The following RMND5A variants were observed in gnomAD, a reference collection of about 807,000 sequenced individuals.
RMND5A encodes required for meiotic nuclear division 5 homolog A.
RMND5A carries 17 observed loss-of-function variants against 49.7 expected under a neutral mutation model. The observed-to-expected ratio is 0.34, with a 90% CI of 0.23 to 0.51. The LOEUF (loss-of-function observed/expected upper bound fraction) is 0.51. Among genes scored for constraint, RMND5A ranks in the 20% least tolerant of loss-of-function variants. The probability of loss-of-function intolerance (pLI) is 0.96; values close to 1 mark genes in which losing one functional copy is unlikely to be tolerated. For synonymous variants in RMND5A, 156 were observed against 167.7 expected (o/e 0.93, Z 0.54); for missense variants, 255 against 471.3 (o/e 0.54, Z 4.25).
Position 86,720,482 on chromosome 2 carries a change from G to A in RMND5A, c.-186G>A, listed in dbSNP as rs921854369. ...TCGCCGGGGGGCTAGGGCGCCATGG[G>A]GCAGGCGGGCTCCGGCTGCGCGGGG... On this transcript the variant is annotated 5_prime_UTR_variant, in exon 1 of 9. Transcript: ENST00000283632. 2.7e-4 allele frequency: 70 copies of A among 259,742 alleles called. No homozygotes were observed. The highest frequency in any genetic ancestry group is 4.6e-4 in the Non-Finnish European group (68 of 148,492). The allele number at this position is 259,742 out of a possible 1,614,324, so 16.1% of individuals were successfully genotyped here.
At chr2:86,760,965 A>AGTGTGTGTGTGTGTGT (rs35942120) in intron 4 of RMND5A, among the ~76,000 whole-genome samples, 11 of 145,442 alleles carry the variant, frequency 7.6e-5, no homozygotes, top group Admixed American at 2.7e-4. Flanking sequence ...GAGAGAGAGA[A>AGTGTGTGTGTGTGTGT]GTGTGTGTGT....
chr2:86,773,274 C>CTA lies in RMND5A; in HGVS notation c.1113-71_1113-70dup, dbSNP rs1427144657. On this transcript the variant is annotated intron_variant, in intron 8 of 8. Coordinates refer to ENST00000283632, the MANE Select transcript of RMND5A (RefSeq NM_022780.4). ...TGTGTGTATAATTGTTAAAGATACT[C>CTA]TATAACTAGATAAAAATTGAATACA... 4 of 795,382 alleles carry CTA rather than the reference C, an allele frequency of 5.0e-6. No homozygotes were observed. In the African/African-American group the frequency reaches 6.9e-5, roughly 14 times the overall value. 49.3% of individuals were successfully genotyped at this position (795,382 alleles called of 1,614,324 possible).
intron 4 of RMND5A, among the ~76,000 whole-genome samples, chr2:86,762,578 A>C (rs543766816): frequency 6.6e-6 from 1 of 150,810 alleles, no homozygotes; most frequent in South Asian, 2.1e-4. Context: ...CTGGGAGGCG[A>C]AGGTTGCAGT....
At chr2:86,745,504 G>C (rs572169669) in intron 2 of RMND5A, among the ~76,000 whole-genome samples, 166 of 152,280 alleles carry the variant, frequency 1.1e-3, no homozygotes, top group African/African-American at 3.8e-3. Context: ...GAATATGCCT[G>C]ACTCATGTTT....
At chr2:86,755,898 T>C (rs988493526) in intron 4 of RMND5A, among the ~76,000 whole-genome samples, 4 of 152,172 alleles carry the variant, frequency 2.6e-5, no homozygotes, top group African/African-American at 4.8e-5. Context: ...GAGTGGTTAT[T>C]GTATGCCTAG....
chr2:86,757,460 A>G (rs1345312021), intron 4 of RMND5A, among the ~76,000 whole-genome samples: 4 of 152,178 alleles, frequency 2.6e-5, no homozygotes, highest in African/African-American at 9.7e-5. Context: ...TAGGCCCTCA[A>G]TGAATAACAG....
At chr2:86,760,002 T>G (rs150605756) in intron 4 of RMND5A, among the ~76,000 whole-genome samples, 45 of 152,272 alleles carry the variant, frequency 3.0e-4, no homozygotes, top group South Asian at 6.2e-4. Context: ...CTTTATAAAG[T>G]AACCTCTTAC....
At chr2:86,750,451 T>G (rs907375881) in intron 2 of RMND5A, among the ~76,000 whole-genome samples, 1 of 152,212 alleles carries the variant, frequency 6.6e-6, no homozygotes, top group Non-Finnish European at 1.5e-5. Flanking sequence ...GCCTCCATAG[T>G]TTCTGTTGAG....
At chr2:86,758,340 G>C (rs924747932) in intron 4 of RMND5A, among the ~76,000 whole-genome samples, 1 of 151,912 alleles carries the variant, frequency 6.6e-6, no homozygotes, top group Admixed American at 6.6e-5. Flanking sequence ...TGAAGTATTT[G>C]CCTATATCAG....
chr2:86,742,578 A>G (rs546752539), intron 2 of RMND5A, among the ~76,000 whole-genome samples: 1 of 151,020 alleles, frequency 6.6e-6, no homozygotes, highest in East Asian at 2.0e-4. Flanking sequence ...ATCCTTCTAG[A>G]ATGTGATGGG....
intron 5 of RMND5A, chr2:86,765,420 G>C (rs548733064): frequency 2.3e-5 from 10 of 427,032 alleles, no homozygotes; most frequent in African/African-American, 2.1e-4. Flanking sequence ...ACTTAGAGGA[G>C]ATGTGAGAAA....
intron 6 of RMND5A, among the ~76,000 whole-genome samples, chr2:86,768,776 A>C (rs1348030773): frequency 6.6e-6 from 1 of 152,150 alleles, no homozygotes; most frequent in Non-Finnish European, 1.5e-5. Flanking sequence ...GATCTGAGAA[A>C]TGAGTGCTTC....
At chr2:86,748,807 C>A (rs1020739755) in intron 2 of RMND5A, among the ~76,000 whole-genome samples, 1 of 152,136 alleles carries the variant, frequency 6.6e-6, no homozygotes, top group South Asian at 2.1e-4. Context: ...AGCTGACCAG[C>A]GTGTCTTCCA....
At chr2:86,748,423 T>G (rs945284705) in intron 2 of RMND5A, 14 of 152,220 alleles carry the variant, frequency 9.2e-5, no homozygotes, top group African/African-American at 2.9e-4. Flanking sequence ...ATCGAATGCA[T>G]TGCTTATTCA....
At chr2:86,759,161 C>G (rs1681799210) in intron 4 of RMND5A, among the ~76,000 whole-genome samples, 2 of 152,182 alleles carry the variant, frequency 1.3e-5, no homozygotes, top group African/African-American at 2.4e-5. Flanking sequence ...GATAAGCCCA[C>G]TAATGCTGTC....
At chr2:86,754,858 G>C (rs1040109790) in intron 4 of RMND5A, among the ~76,000 whole-genome samples, 3 of 152,040 alleles carry the variant, frequency 2.0e-5, no homozygotes. Context: ...TCTGTACTTG[G>C]CCATTTCTCA....
At chr2:86,758,731 A>G (rs934694447) in intron 4 of RMND5A, among the ~76,000 whole-genome samples, 2 of 152,234 alleles carry the variant, frequency 1.3e-5, no homozygotes, top group African/African-American at 2.4e-5. Flanking sequence ...TAGTAGTTCC[A>G]GCAGTGGACT....
At chr2:86,770,902 C>T (rs1672675117) in intron 7 of RMND5A, among the ~76,000 whole-genome samples, 1 of 152,176 alleles carries the variant, frequency 6.6e-6, no homozygotes, top group South Asian at 2.1e-4. Flanking sequence ...AATTGTCGTT[C>T]CTGTCATGAT....
rs1433978658 is a variant in RMND5A, at chr2:86,776,546, T to G, written c.*3135T>G. 1 of 152,252 alleles carries G rather than the reference T, an allele frequency of 6.6e-6. No homozygotes were observed. The highest frequency in any genetic ancestry group is 2.4e-5 in the African/African-American group (1 of 41,472). 9.4% of individuals were successfully genotyped at this position (152,252 alleles called of 1,614,324 possible). ...CAGGTTATGCAGCTTAAGTTCAGTC[T>G]TCTTTATGCTGCGATTGATTTCCAC... is the stretch of plus-strand genomic sequence containing the variant. On this transcript the variant is annotated 3_prime_UTR_variant, in exon 9 of 9. Coordinates refer to ENST00000283632, the MANE Select transcript of RMND5A (RefSeq NM_022780.4).
Sources: gnomAD v4.1 joint callset for allele counts (sites outside exome capture counted in the v4.1 genomes callset) on GRCh38, gnomAD v4.1.1 for gene constraint, MANE v1.5 for transcripts, NCBI Gene and HGNC (gene_info 2026-07-23, HGNC 2026-07-21) for gene names.